The following RGS12 variants were observed in gnomAD, a reference collection of about 807,000 sequenced individuals.
The protein encoded by RGS12 is regulator of G protein signaling 12, also known as regulator of G-protein signaling 12.
A neutral mutation model predicts 120.1 loss-of-function variants in RGS12; 66 were observed. The observed-to-expected ratio is 0.55, with a 90% CI of 0.45 to 0.67. RGS12 has a LOEUF of 0.67. Among genes scored for constraint, RGS12 ranks in the 30% least tolerant of loss-of-function variants. The probability of loss-of-function intolerance (pLI) is 0.00; values close to 1 mark genes in which losing one functional copy is unlikely to be tolerated. For synonymous variants in RGS12, 827 were observed against 804.7 expected (o/e 1.03, Z -0.47); for missense variants, 1,859 against 1,957.7 (o/e 0.95, Z 0.95).
At chr4:3,405,046 A>G (rs560748292) in intron 4 of RGS12, among the ~76,000 whole-genome samples, 1 of 152,372 alleles carries the variant, frequency 6.6e-6, no homozygotes, top group Non-Finnish European at 1.5e-5. Context: ...ATGGACTAAA[A>G]TAAAAACCCA....
At chr4:3,331,735 A>T (rs1266526760) in intron 2 of RGS12, among the ~76,000 whole-genome samples, 1 of 152,214 alleles carries the variant, frequency 6.6e-6, no homozygotes, top group Non-Finnish European at 1.5e-5. Flanking sequence ...GGGGGCCAGC[A>T]TCGCACTGCT....
In RGS12 at chr4:3,439,727, G is replaced by T; in HGVS notation, c.*43G>T. The T allele has an allele frequency of 6.9e-7, 1 of 1,448,094 alleles. No individual in the cohort carries two copies. The highest frequency in any genetic ancestry group is 9.1e-7 in the Non-Finnish European group (1 of 1,095,774). The allele number at this position is 1,448,094 out of a possible 1,614,324, so 89.7% of individuals were successfully genotyped here. A position where few individuals can be genotyped will look rare whatever the true frequency, so the allele number is the denominator to read the frequency against. Reference sequence around the variant, plus strand: ...AACTCTCCTGTGGACATGTCGGGGTGGGGCAGCCCAGGTGGATTCTGTGGG... The same window carrying T: ...AACTCTCCTGTGGACATGTCGGGGTTGGGCAGCCCAGGTGGATTCTGTGGG... On this transcript the variant is annotated 3_prime_UTR_variant, in exon 18 of 18. Transcript: ENST00000336727.
intron 2 of RGS12, among the ~76,000 whole-genome samples, chr4:3,338,330 G>A (rs1039482466): frequency 3.9e-5 from 6 of 152,260 alleles, no homozygotes; most frequent in African/African-American, 1.4e-4. Flanking sequence ...AAAGAGTTGG[G>A]ATTACAGGCG....
intron 4 of RGS12, among the ~76,000 whole-genome samples, chr4:3,412,597 C>T (rs1721857577): frequency 6.6e-6 from 1 of 152,230 alleles, no homozygotes; most frequent in Non-Finnish European, 1.5e-5. Flanking sequence ...CGCACCGTGC[C>T]ACAGGAGGCT....
At chr4:3,394,135 T>G (rs1455267193) in intron 4 of RGS12, among the ~76,000 whole-genome samples, 1 of 152,146 alleles carries the variant, frequency 6.6e-6, no homozygotes, top group Non-Finnish European at 1.5e-5. Flanking sequence ...TCCACGGCAT[T>G]TCATCCGTCT....
intron 1 of RGS12, among the ~76,000 whole-genome samples, chr4:3,300,885 C>T (rs1156315226): frequency 6.6e-6 from 1 of 152,236 alleles, no homozygotes; most frequent in African/African-American, 2.4e-5. Flanking sequence ...CAAATAGGGT[C>T]ACAATCACAG....
At chr4:3,419,956 G>T (rs1040524851) in intron 9 of RGS12, among the ~76,000 whole-genome samples, 1 of 152,230 alleles carries the variant, frequency 6.6e-6, no homozygotes, top group Admixed American at 6.5e-5. Context: ...CAGGCCAGTA[G>T]GTCTGGGAGC....
rs749213050 is a variant in RGS12 at position 3,422,552 on chromosome 4, C to T, written c.3015C>T (p.Phe1005=). The change falls in exon 11 of 18, where the codon TTC becomes TTT. Residue 1005 remains phenylalanine (F), a synonymous_variant. Transcript: ENST00000336727. ...TCAACGGGGCGGCCGCGGACCTCTTCCTGGTGGGCGGGGACAAGGTACTGG... is the reference window on the plus strand; with the variant it reads ...TCAACGGGGCGGCCGCGGACCTCTTTCTGGTGGGCGGGGACAAGGTACTGG... The part of the protein sequence containing the change: ...HGINGAAADL[F]LVGGDKPLVL... The T allele has an allele frequency of 6.2e-7, 1 of 1,612,402 alleles. No homozygotes were observed. The highest frequency in any genetic ancestry group is 1.7e-5 in the Admixed American group (1 of 60,018).
chr4:3,340,790 T>TCCC (rs1199330311), intron 2 of RGS12, among the ~76,000 whole-genome samples: 1 of 99,408 alleles, frequency 1.0e-5, no homozygotes, highest in African/African-American at 4.7e-5. Context: ...GCCAGTGCAG[T>TCCC]CCGTTCTCCA....
intron 17 of RGS12, among the ~76,000 whole-genome samples, chr4:3,432,408 G>A (rs1335575325): frequency 2.6e-5 from 4 of 152,240 alleles, no homozygotes; most frequent in African/African-American, 9.6e-5. Context: ...TGGCCCGGTG[G>A]CGGGTGCTGA....
chr4:3,433,681 G>A lies in RGS12; in HGVS notation c.4114+2726G>A, dbSNP rs1262710276. On this transcript the variant is annotated intron_variant, in intron 17 of 17. Transcript: ENST00000336727. This position sits in a 1 kb window ranked among gnomAD's most constrained non-coding sequence, Gnocchi z 4.4. ...TGTTCCAGCCCCTGCGCCACGTGGT[G>A]CTCCACCACGCCCTTCTAGCCTCAG... 1.3e-5 allele frequency among the ~76,000 whole-genome samples: 2 copies of A among 151,410 alleles called. No individual in the cohort carries two copies. The highest frequency in any genetic ancestry group is 2.4e-5 in the African/African-American group (1 of 41,050).
intron 1 of RGS12, among the ~76,000 whole-genome samples, chr4:3,315,452 C>A (rs1026858862): frequency 6.6e-6 from 1 of 152,098 alleles, no homozygotes; most frequent in African/African-American, 2.4e-5. Context: ...CAGTATTGAT[C>A]GAGGTTGTTT....
intron 4 of RGS12, among the ~76,000 whole-genome samples, chr4:3,402,636 C>G (rs1397190256): frequency 7.0e-6 from 1 of 142,848 alleles, no homozygotes; most frequent in Non-Finnish European, 1.5e-5. Context: ...CATTGGGTGG[C>G]GTCCTCTGCG....
At chr4:3,417,336 A>G (rs1722517108) in intron 8 of RGS12, 52 bp from the exon 9 acceptor site, 11 of 1,525,402 alleles carry the variant, frequency 7.2e-6, no homozygotes, top group African/African-American at 1.4e-5. Context: ...CACTTAACGT[A>G]ATAGTAAAAT....
intron 6 of RGS12, 144 bp from the exon 7 acceptor site, chr4:3,415,833 CT>C: frequency 1.2e-6 from 1 of 828,972 alleles, no homozygotes; most frequent in Non-Finnish European, 1.9e-6. Context: ...TCTGGCCACA[CT>C]TTTATTTATT....
chr4:3,324,597 G>A (rs1243612162), intron 2 of RGS12: 1 of 153,996 alleles, frequency 6.5e-6, no homozygotes, highest in Non-Finnish European at 1.4e-5. Flanking sequence ...TGATACAGCA[G>A]GGCCCTTGAC....
chr4:3,345,856 A>G (rs982157999), intron 3 of RGS12, among the ~76,000 whole-genome samples: 2 of 152,228 alleles, frequency 1.3e-5, no homozygotes, highest in African/African-American at 4.8e-5. Context: ...GAATAAATCA[A>G]ATGACCATAG....
At position 3,390,540 on chromosome 4, in the gene RGS12, G is replaced by T. The variant is rs536909879; in HGVS notation, c.2020+4103G>T. Among the ~76,000 whole-genome samples, 65 of 152,348 alleles carry T rather than the reference G, an allele frequency of 4.3e-4. 1 individual carries two copies. The South Asian group carries it at 0.013, about 30-fold the overall frequency. On this transcript the variant is annotated intron_variant, in intron 4 of 17. Coordinates refer to ENST00000336727, the MANE Select transcript of RGS12 (RefSeq NM_001394154.1). The surrounding 1 kb of genome is among the most constrained non-coding windows in gnomAD (Gnocchi z 4.6). ...CAGAAGCAGAAACTCCTGTGTGACT[G>T]GTGTTGCGGGGTGGACCCACTGCCG...
At chr4:3,293,611 G>A (rs1186697213) in intron 1 of RGS12, among the ~76,000 whole-genome samples, 2 of 152,234 alleles carry the variant, frequency 1.3e-5, no homozygotes, top group African/African-American at 2.4e-5. Context: ...TGCCGCGATT[G>A]TGCAGTGTAG....
Sources: allele counts gnomAD v4.1 joint callset (sites outside exome capture counted in the v4.1 genomes callset), GRCh38; gene constraint gnomAD v4.1.1; non-coding constraint Gnocchi (gnomAD v3.1); transcripts MANE v1.5; gene names NCBI Gene and HGNC (gene_info 2026-07-23, HGNC 2026-07-21).